The following HMG20A variants were observed in gnomAD, a reference collection of about 807,000 sequenced individuals.
The protein encoded by HMG20A is high mobility group 20A.
A neutral mutation model predicts 43.9 loss-of-function variants in HMG20A; 17 were observed. That is an observed-to-expected ratio of 0.39 (90% CI 0.27 to 0.58). The LOEUF is 0.58. HMG20A is among the 20% of genes least tolerant of loss of function. The pLI, the probability that HMG20A is intolerant of heterozygous loss-of-function variation, is 0.59. For missense variants in HMG20A, 341 were observed against 438.2 expected (o/e 0.78, Z 1.98); for synonymous variants, 132 against 147.5 (o/e 0.89, Z 0.76).
At chr15:77,430,359 T>G (rs750350222) in intron 1 of HMG20A, among the ~76,000 whole-genome samples, 2 of 152,174 alleles carry the variant, frequency 1.3e-5, no homozygotes, top group Non-Finnish European at 2.9e-5. Flanking sequence ...CTTATGACTC[T>G]GAGAGATGAG....
At chr15:77,425,009 C>CT (rs992319289) in intron 1 of HMG20A, among the ~76,000 whole-genome samples, 41 of 152,016 alleles carry the variant, frequency 2.7e-4, no homozygotes, top group African/African-American at 9.9e-4. Context: ...TTTGCTCATG[C>CT]TATTTTCTGC....
At chr15:77,503,139 C>T in the HMG20A span, among the ~76,000 whole-genome samples, 3 of 152,154 alleles carry the variant, frequency 2.0e-5, no homozygotes, top group African/African-American at 7.2e-5. Flanking sequence ...CCCTCCAGTT[C>T]ATCCCCATGA....
rs186991832 is a variant in HMG20A at position 77,440,924 on chromosome 15, A to G, written c.-4-17480A>G. Among the ~76,000 whole-genome samples, 3 of 152,296 alleles carry G rather than the reference A, an allele frequency of 2.0e-5. No individual in the cohort carries two copies. The East Asian group carries it at 5.8e-4, about 29-fold the overall frequency. ...CACTATAAAATAGGTGCTAATGATA[A>G]TATCTACTTGATACGGCAGATGTGT... On this transcript the variant is annotated intron_variant, in intron 1 of 9. Transcript: ENST00000336216.
Position 77,443,379 on chromosome 15 carries a change from G to GATGATTATTATTATT in HMG20A, c.-4-15023_-4-15022insGATTATTATTATTAT, listed in dbSNP as rs576920554. Among the ~76,000 whole-genome samples, 319 of 131,306 alleles carry GATGATTATTATTATT rather than the reference G, an allele frequency of 2.4e-3. 1 individual carries two copies. Among genetic ancestry groups the GATGATTATTATTATT allele is most frequent in the Non-Finnish European group, 3.3e-3 (208 of 62,372 alleles). The allele number at this position is 131,306 out of a possible 152,430, so 86.1% of individuals were successfully genotyped here. A position where few individuals can be genotyped will look rare whatever the true frequency, so the allele number is the denominator to read the frequency against. On this transcript the variant is annotated intron_variant, in intron 1 of 9. Transcript: ENST00000336216. ...TGATGATGATGATGATGATGATGAT[G>GATGATTATTATTATT]ATTATTATTATTATTATTATTATTA...
At chr15:77,456,306 A>G (rs918809720) in intron 1 of HMG20A, among the ~76,000 whole-genome samples, 1 of 152,154 alleles carries the variant, frequency 6.6e-6, no homozygotes, top group Non-Finnish European at 1.5e-5. Flanking sequence ...CTTTTGAGGC[A>G]TGGGAGCAAT....
chr15:77,420,924 T>C lies in HMG20A; in HGVS notation c.-85T>C, dbSNP rs1224022009. On this transcript the variant is annotated 5_prime_UTR_variant, in exon 1 of 10. Coordinates refer to ENST00000336216, the MANE Select transcript of HMG20A (RefSeq NM_001304504.2). ...GACGAGTGCGTGAAGTGAAGGCGAT[T>C]GAGAGGGGCTGAGGGAATTGTCCTC... 2.5e-6 allele frequency: 1 copy of C among 398,614 alleles called. No individual in the cohort carries two copies. The highest frequency in any genetic ancestry group is 4.4e-5 in the Admixed American group (1 of 22,714). 24.7% of individuals were successfully genotyped at this position (398,614 alleles called of 1,614,324 possible).
intron 1 of HMG20A, among the ~76,000 whole-genome samples, chr15:77,442,371 A>G (rs991629208): frequency 2.0e-5 from 3 of 152,214 alleles, no homozygotes; most frequent in African/African-American, 7.2e-5. Flanking sequence ...TATGTCAGTT[A>G]TCTGTCAAGA....
intron 5 of HMG20A, among the ~76,000 whole-genome samples, chr15:77,471,275 C>A (rs1046174376): frequency 6.6e-6 from 1 of 152,122 alleles, no homozygotes; most frequent in Non-Finnish European, 1.5e-5. Flanking sequence ...TCCTCCGAGA[C>A]CCCTGTTAGT....
At chr15:77,462,341 T>C (rs2072712186) in intron 2 of HMG20A, among the ~76,000 whole-genome samples, 1 of 152,140 alleles carries the variant, frequency 6.6e-6, no homozygotes, top group Admixed American at 6.5e-5. Context: ...TCAGTCTCCT[T>C]TCCTAGTTTT....
chr15:77,477,748 G>A (rs2072869624), intron 7 of HMG20A, 118 bp downstream of exon 7: 3 of 650,590 alleles, frequency 4.6e-6, no homozygotes, highest in Non-Finnish European at 8.0e-6. Flanking sequence ...ACTACTCAAA[G>A]ACCAGTGAAG....
At chr15:77,433,379 A>G (rs1179033313) in intron 1 of HMG20A, among the ~76,000 whole-genome samples, 3 of 151,540 alleles carry the variant, frequency 2.0e-5, no homozygotes, top group Admixed American at 1.3e-4. Context: ...AAAGAAAACC[A>G]GGTCTACCTG....
intron 1 of HMG20A, among the ~76,000 whole-genome samples, chr15:77,446,179 G>A (rs866461076): frequency 1.3e-5 from 2 of 151,970 alleles, no homozygotes; most frequent in Admixed American, 6.6e-5. Flanking sequence ...GAATGTATTA[G>A]GATAATTAAC....
chr15:77,467,822 G>A (rs2072770405), intron 4 of HMG20A, among the ~76,000 whole-genome samples: 2 of 152,114 alleles, frequency 1.3e-5, no homozygotes, highest in African/African-American at 4.8e-5. Flanking sequence ...AACCTGATGG[G>A]CAAACTGAAA....
chr15:77,439,182 G>A (rs912473275), intron 1 of HMG20A, among the ~76,000 whole-genome samples: 5 of 152,322 alleles, frequency 3.3e-5, no homozygotes, highest in South Asian at 2.1e-4. Flanking sequence ...AGGCTTTCAG[G>A]TTGGGGGCTG....
chr15:77,479,317 G>A lies in HMG20A; in HGVS notation c.*2G>A. ...GTTGTGAACAGACTCGATCGTTAGG[G>A]AATGGTGAGTGCTCACTGATAAATA... On this transcript the variant is annotated 3_prime_UTR_variant, in exon 9 of 10. Transcript: ENST00000336216. 5 of 1,613,642 alleles carry A rather than the reference G, an allele frequency of 3.1e-6. No homozygotes were observed. Among genetic ancestry groups the A allele is most frequent in the Non-Finnish European group, 4.2e-6 (5 of 1,179,862 alleles).
chr15:77,498,960 T>C, the HMG20A span, among the ~76,000 whole-genome samples: 1 of 152,216 alleles, frequency 6.6e-6, no homozygotes. Context: ...CCACCTTTAT[T>C]GGCTGGCATT....
chr15:77,498,787 T>G, the HMG20A span, among the ~76,000 whole-genome samples: 2 of 152,192 alleles, frequency 1.3e-5, no homozygotes, highest in Non-Finnish European at 2.9e-5. Flanking sequence ...GTCCTATTAT[T>G]CCCAACTGGG....
the HMG20A span, among the ~76,000 whole-genome samples, chr15:77,496,150 C>G: frequency 6.6e-6 from 1 of 152,210 alleles, no homozygotes; most frequent in African/African-American, 2.4e-5. Context: ...CCTCCCTACT[C>G]TTCCCAAATG....
At chr15:77,502,122 G>T in the HMG20A span, among the ~76,000 whole-genome samples, 1 of 152,128 alleles carries the variant, frequency 6.6e-6, no homozygotes, top group African/African-American at 2.4e-5. Flanking sequence ...GGTGACACAT[G>T]AAAATTACAT....
Sources: gnomAD v4.1 joint callset for allele counts (sites outside exome capture counted in the v4.1 genomes callset) on GRCh38, gnomAD v4.1.1 for gene constraint, MANE v1.5 for transcripts, NCBI Gene and HGNC (gene_info 2026-07-23, HGNC 2026-07-21) for gene names.